The following CLCN3 variants were observed in gnomAD, a reference collection of about 807,000 sequenced individuals.
CLCN3 encodes the protein Cl-/H+ antiporter 3.
CLCN3 carries 16 observed loss-of-function variants against 83.4 expected under a neutral mutation model. The ratio of observed to expected loss-of-function variants is 0.19; its 90% confidence interval spans 0.13 to 0.29. The LOEUF (loss-of-function observed/expected upper bound fraction) is 0.29, where lower values mean the gene tolerates loss of function less well. CLCN3 is among the 10% of genes least tolerant of loss of function. The pLI, the probability that CLCN3 is intolerant of heterozygous loss-of-function variation, is 1.00. For missense variants in CLCN3, 544 were observed against 1,006.0 expected (o/e 0.54, Z 6.21); for synonymous variants, 322 against 346.2 (o/e 0.93, Z 0.78).
At chr4:169,645,074 T>C (rs148703817) in intron 2 of CLCN3, among the ~76,000 whole-genome samples, 103 of 152,348 alleles carry the variant, frequency 6.8e-4, no homozygotes, top group African/African-American at 2.4e-3. Context: ...CTACTAAGTT[T>C]ATGGCAGTGT....
intron 9 of CLCN3, among the ~76,000 whole-genome samples, chr4:169,699,151 A>G (rs1227084069): frequency 2.0e-5 from 3 of 152,214 alleles, no homozygotes; most frequent in African/African-American, 7.2e-5. Context: ...TTGATGAGCC[A>G]TTATTCTGCC....
chr4:169,632,716 CAAAAAAAAAAAA>C (rs559919032), intron 1 of CLCN3, among the ~76,000 whole-genome samples: 2 of 32,280 alleles, frequency 6.2e-5, no homozygotes, highest in African/African-American at 2.5e-4. Context: ...GACTCCATCT[CAAAAAAAAAAAA>C]AAAAAAAAAA....
At chr4:169,644,129 A>G (rs372708738) in intron 2 of CLCN3, among the ~76,000 whole-genome samples, 10 of 152,242 alleles carry the variant, frequency 6.6e-5, no homozygotes, top group East Asian at 5.8e-4. Context: ...TACACAGAAT[A>G]TTAAAAAGAT....
rs761716565 is a variant in CLCN3, at chr4:169,687,636, G to A, written c.319-22G>A. The A allele has an allele frequency of 2.7e-5, 41 of 1,515,316 alleles. No individual in the cohort carries two copies. The Admixed American group carries it at 5.3e-4, about 20-fold the overall frequency. 93.9% of individuals were successfully genotyped at this position (1,515,316 alleles called of 1,614,324 possible). On this transcript the variant is annotated intron_variant, in intron 3 of 12. Transcript: ENST00000513761. ...TTCTATTCATAGTTGGAAAAATGAAGCATAAACATTTCTAATTTCAGATCA... is the reference window on the plus strand; with the variant it reads ...TTCTATTCATAGTTGGAAAAATGAAACATAAACATTTCTAATTTCAGATCA...
intron 3 of CLCN3, among the ~76,000 whole-genome samples, chr4:169,686,605 A>G (rs1732168595): frequency 1.3e-5 from 2 of 152,136 alleles, no homozygotes; most frequent in South Asian, 2.1e-4. Context: ...TTAGTAGAGA[A>G]GGGGTTTCAC....
intron 2 of CLCN3, chr4:169,659,955 C>T (rs1010942932): frequency 9.4e-6 from 7 of 741,030 alleles, no homozygotes; most frequent in East Asian, 1.3e-4. Flanking sequence ...ACTTTTTCCC[C>T]TTTATATTTA....
chr4:169,698,888 A>G (rs1221383168), intron 9 of CLCN3, among the ~76,000 whole-genome samples: 13 of 152,072 alleles, frequency 8.5e-5, no homozygotes, highest in South Asian at 6.2e-4. Context: ...CTGGCTGTCT[A>G]TTTGCATCTT....
chr4:169,635,426 ATTTAAAT>A (rs1773477040), intron 1 of CLCN3, among the ~76,000 whole-genome samples: 1 of 152,154 alleles, frequency 6.6e-6, no homozygotes, highest in South Asian at 2.1e-4. Context: ...GGCTCTGAAG[ATTTAAAT>A]TTTAAAAGGA....
Position 169,621,004 on chromosome 4 carries a change from C to A in CLCN3, c.-76C>A. 2.5e-6 allele frequency: 1 copy of A among 398,048 alleles called. No homozygotes were observed. 24.7% of individuals were successfully genotyped at this position (398,048 alleles called of 1,614,324 possible). ...CTAGGTTCTAGGTTTGAAACAGATG[C>A]AGAATCCAAAGGCAGCGCAAAAAAC... On this transcript the variant is annotated 5_prime_UTR_variant, in exon 1 of 13. Coordinates refer to ENST00000513761, the MANE Select transcript of CLCN3 (RefSeq NM_001829.4).
At position 169,697,644 on chromosome 4, in the gene CLCN3, A is replaced by G. The variant is rs775867867; in HGVS notation, c.1473A>G (p.Pro491=). ...TTGTCGATGACATTCCTGATCGTCCAGCAGGCATTGGAGTATATTCAGCTA... is the reference window on the plus strand; with the variant it reads ...TTGTCGATGACATTCCTGATCGTCCGGCAGGCATTGGAGTATATTCAGCTA... ...SKIVDDIPDR[P]AGIGVYSAIW... The change falls in exon 9 of 13, where the codon CCA becomes CCG. Residue 491 remains proline (P), a synonymous_variant. Coordinates refer to ENST00000513761, the MANE Select transcript of CLCN3 (RefSeq NM_001829.4). 30 of 1,614,034 alleles carry G rather than the reference A, an allele frequency of 1.9e-5. No individual in the cohort carries two copies. The South Asian group carries it at 3.1e-4, about 17-fold the overall frequency.
intron 11 of CLCN3, 33 bp downstream of exon 11, chr4:169,707,299 G>A: frequency 6.9e-7 from 1 of 1,456,204 alleles, no homozygotes; most frequent in Non-Finnish European, 9.3e-7. Context: ...ATGTATATAT[G>A]AGATGGATTT....
chr4:169,698,610 A>G (rs964573377), intron 9 of CLCN3, among the ~76,000 whole-genome samples: 1 of 152,196 alleles, frequency 6.6e-6, no homozygotes, highest in African/African-American at 2.4e-5. Flanking sequence ...GGAGGGACAT[A>G]CACTTGCTGG....
intron 1 of CLCN3, 111 bp downstream of exon 1, chr4:169,621,174 A>G (rs568270654): frequency 2.8e-6 from 1 of 352,198 alleles, no homozygotes; most frequent in African/African-American, 2.1e-5. Context: ...TACCTACATA[A>G]TGTTGAAAGG....
intron 2 of CLCN3, among the ~76,000 whole-genome samples, chr4:169,637,810 A>G (rs973695192): frequency 1.3e-5 from 2 of 152,036 alleles, no homozygotes; most frequent in African/African-American, 4.8e-5. Flanking sequence ...TTTTTCCCAT[A>G]TGAATAACTA....
chr4:169,678,992 G>T (rs958937535), intron 2 of CLCN3, among the ~76,000 whole-genome samples: 1 of 151,844 alleles, frequency 6.6e-6, no homozygotes, highest in African/African-American at 2.4e-5. Flanking sequence ...GGGCGGCCGG[G>T]CGGAGGCGCC....
rs1732231095 is a variant in CLCN3, at chr4:169,688,107, AAAACTTGACATGTATTTAAACCTC to A, written c.418+352_418+375del. Among the ~76,000 whole-genome samples the A allele has an allele frequency of 3.9e-5, 6 of 152,330 alleles. No individual in the cohort carries two copies. The South Asian group carries it at 1.2e-3, about 32-fold the overall frequency. ...TTCCTATGTGTTGTACACTGTTCTA[AAAACTTGACATGTATTTAAACCTC>A]ACCGGAATCCTGTGGTACCAGTGCT... On this transcript the variant is annotated intron_variant, in intron 4 of 12. Coordinates refer to ENST00000513761, the MANE Select transcript of CLCN3 (RefSeq NM_001829.4).
intron 1 of CLCN3, among the ~76,000 whole-genome samples, chr4:169,621,406 A>T (rs1773109296): frequency 6.6e-6 from 1 of 152,200 alleles, no homozygotes; most frequent in South Asian, 2.1e-4. Context: ...CTTTAGATAT[A>T]TATGTATGTA....
At chr4:169,670,525 G>T (rs1384057654) in intron 2 of CLCN3, among the ~76,000 whole-genome samples, 1 of 152,174 alleles carries the variant, frequency 6.6e-6, no homozygotes. Flanking sequence ...GAGCCTTGTA[G>T]TATAGTTTGA....
chr4:169,629,104 A>C (rs953214348), intron 1 of CLCN3, among the ~76,000 whole-genome samples: 22 of 152,178 alleles, frequency 1.4e-4, no homozygotes, highest in South Asian at 2.1e-4. Flanking sequence ...AAAACAGACT[A>C]TGGGTTGCTA....
Sources: allele counts gnomAD v4.1 joint callset (sites outside exome capture counted in the v4.1 genomes callset), GRCh38; gene constraint gnomAD v4.1.1; transcripts MANE v1.5; gene names NCBI Gene and HGNC (gene_info 2026-07-23, HGNC 2026-07-21).